MYBPC1: variants seen among roughly 807,000 people sequenced by gnomAD.
MYBPC1 encodes the protein myosin binding protein C1.
Under a neutral mutation model 147.1 loss-of-function variants are expected in MYBPC1, and 52 were observed. The ratio of observed to expected loss-of-function variants is 0.35; its 90% CI spans 0.28 to 0.45. MYBPC1 has a LOEUF of 0.45. Ranked by LOEUF, MYBPC1 falls within the 20% of genes least tolerant of loss-of-function variation. The pLI is 1.00. For synonymous variants in MYBPC1, 477 were observed against 475.9 expected (o/e 1.00, Z -0.03); for missense variants, 1,228 against 1,440.3 (o/e 0.85, Z 2.39).
At chr12:101,644,959 A>T (rs1167530391) in intron 12 of MYBPC1, among the ~76,000 whole-genome samples, 163 bp downstream of exon 12, 1 of 152,242 alleles carries the variant, frequency 6.6e-6, no homozygotes, top group African/African-American at 2.4e-5. Flanking sequence ...TTAGGGAAAC[A>T]TGATAGTTCT....
chr12:101,686,919 T>C (rs1951355924), downstream of MYBPC1, among the ~76,000 whole-genome samples: 1 of 152,326 alleles, frequency 6.6e-6, no homozygotes, highest in South Asian at 2.1e-4. Context: ...TTGAAATTGG[T>C]TGGTGATGTT....
rs371872200 is a variant in MYBPC1 at position 101,675,279 on chromosome 12, A to G, written c.2810-13A>G. On this transcript the variant is annotated splice_polypyrimidine_tract_variant and intron_variant, in intron 25 of 31. Coordinates refer to ENST00000361466, the MANE Select transcript of MYBPC1 (RefSeq NM_002465.4). ...AAGTGACCTTGCAGTGACACCATGA[A>G]TTCATCCTGTAGACCGTCCAGGTCC... The G allele has an allele frequency of 6.2e-7, 1 of 1,614,010 alleles. No individual in the cohort carries two copies. Among genetic ancestry groups the G allele is most frequent in the African/African-American group, 1.3e-5 (1 of 75,056 alleles).
rs746949857 is a variant in MYBPC1, at chr12:101,651,292, C to A, written c.1425C>A (p.Ile475=). Residue 475 remains isoleucine (I), a synonymous_variant, in exon 16 of 32, where the codon ATC becomes ATA. Transcript: ENST00000361466. The stretch of plus-strand genomic sequence containing the variant: ...AGACTGTAAATCTTGGAAAAGAAAT[C>A]TGCCTGAAGTGTGAAATCTCTGAAA... The part of the protein sequence containing the change: ...TDQTVNLGKE[I]CLKCEISENI... 1.8e-4 allele frequency: 294 copies of A among 1,613,920 alleles called. No homozygotes were observed. The highest frequency in any genetic ancestry group is 2.3e-4 in the Non-Finnish European group (270 of 1,179,982).
intron 18 of MYBPC1, among the ~76,000 whole-genome samples, chr12:101,654,120 T>C (rs1204026767): frequency 2.0e-5 from 3 of 152,054 alleles, no homozygotes; most frequent in African/African-American, 7.2e-5. Context: ...GGCACAAGAA[T>C]TGCTGGAACC....
chr12:101,669,259 A>G (rs2136623872), intron 23 of MYBPC1, among the ~76,000 whole-genome samples: 1 of 152,334 alleles, frequency 6.6e-6, no homozygotes, highest in South Asian at 2.1e-4. Flanking sequence ...ACTGAGTTGG[A>G]GGATGAATAG....
At chr12:101,677,546 T>C in intron 27 of MYBPC1, 152 bp downstream of exon 27, 2 of 974,712 alleles carry the variant, frequency 2.1e-6, no homozygotes, top group South Asian at 3.1e-5. Context: ...ATTTTAATTT[T>C]ACAGGTAAAA....
intron 1 of MYBPC1, among the ~76,000 whole-genome samples, chr12:101,611,969 C>T (rs552271234): frequency 3.4e-4 from 51 of 151,488 alleles, no homozygotes; most frequent in Admixed American, 7.9e-4. Flanking sequence ...CCCAGCTACT[C>T]GGGAGGCTGA....
Position 101,631,667 on chromosome 12 carries a change from GC to G in MYBPC1, c.387del (p.Ser129ArgfsTer9). On this transcript the variant is annotated frameshift_variant, in exon 7 of 32. Coordinates refer to ENST00000361466, the MANE Select transcript of MYBPC1 (RefSeq NM_002465.4). LOFTEE classifies it high-confidence loss of function. Reference sequence around the variant, plus strand: ...AAAGGAAAATGGATGGACCTGGCCAGCAAAGCCGGGAAGCACCTTCAGCTGA... The same window carrying G: ...AAAGGAAAATGGATGGACCTGGCCAGAAAGCCGGGAAGCACCTTCAGCTGA... Reference protein sequence around the residue: ...WFKGKWMDLASKAGKHLQLKE... With the variant: ...WFKGKWMDLAXKAGKHLQLKE... 6.2e-7 allele frequency: 1 copy of G among 1,614,228 alleles called. No individual in the cohort carries two copies. The highest frequency in any genetic ancestry group is 8.5e-7 in the Non-Finnish European group (1 of 1,180,044).
chr12:101,664,911 T>TA (rs1430779300), intron 22 of MYBPC1, among the ~76,000 whole-genome samples: 2 of 152,178 alleles, frequency 1.3e-5, no homozygotes, highest in Non-Finnish European at 2.9e-5. Flanking sequence ...TGCCCCCATT[T>TA]AAAAAAGTCA....
intron 1 of MYBPC1, among the ~76,000 whole-genome samples, chr12:101,609,644 G>T (rs948252744): frequency 1.3e-5 from 2 of 152,084 alleles, no homozygotes; most frequent in Admixed American, 1.3e-4. Context: ...TGATTAATAC[G>T]CATACTGCAG....
intron 9 of MYBPC1, among the ~76,000 whole-genome samples, 181 bp from the exon 10 acceptor site, chr12:101,636,491 T>C (rs147467708): frequency 4.2e-3 from 638 of 152,356 alleles, no homozygotes; most frequent in Middle Eastern, 0.01. Flanking sequence ...TATGTTTACT[T>C]TTCCACAAGT....
intron 22 of MYBPC1, chr12:101,666,646 T>C: frequency 8.5e-7 from 1 of 1,174,872 alleles, no homozygotes; most frequent in South Asian, 1.2e-5. Flanking sequence ...TTGCACACTT[T>C]GCATACTTTA....
At chr12:101,684,164 A>C (rs1951204729) in intron 30 of MYBPC1, among the ~76,000 whole-genome samples, 1 of 152,250 alleles carries the variant, frequency 6.6e-6, no homozygotes, top group East Asian at 1.9e-4. Context: ...CATATTAATA[A>C]ATGTTTTACA....
At chr12:101,688,775 AG>A (rs901126091), downstream of MYBPC1, among the ~76,000 whole-genome samples, 24 of 152,072 alleles carry the variant, frequency 1.6e-4, no homozygotes, top group African/African-American at 5.3e-4. Flanking sequence ...AGCCTGGGCA[AG>A]ATAACAAAAC....
chr12:101,623,240 G>A (rs1887840960), intron 3 of MYBPC1, among the ~76,000 whole-genome samples: 1 of 152,128 alleles, frequency 6.6e-6, no homozygotes, highest in African/African-American at 2.4e-5. Context: ...TCAGGAGGTT[G>A]AGGCACAAGA....
chr12:101,631,639 T>A lies in MYBPC1; in HGVS notation c.358T>A (p.Phe120Ile). ...TCTGAGAAAACCCACTATCAAATGG[T>A]TCAAAGGAAAATGGATGGACCTGGC... is the stretch of plus-strand genomic sequence containing the variant. ...DLLRKPTIKWFKGKWMDLASK... is the reference protein window; with the variant it reads ...DLLRKPTIKWIKGKWMDLASK... The change falls in exon 7 of 32, where the codon TTC becomes ATC. Residue 120 changes from phenylalanine to isoleucine, a missense_variant. This residue lies in a region of MYBPC1 where 1,077 missense variants were observed against 1,314.2 expected (regional missense o/e 0.82). Coordinates refer to ENST00000361466, the MANE Select transcript of MYBPC1 (RefSeq NM_002465.4). 6.2e-7 allele frequency: 1 copy of A among 1,614,152 alleles called. No homozygotes were observed. Among genetic ancestry groups the A allele is most frequent in the South Asian group, 1.1e-5 (1 of 91,078 alleles).
intron 3 of MYBPC1, among the ~76,000 whole-genome samples, chr12:101,618,044 T>A (rs1886534750): frequency 6.6e-6 from 1 of 152,164 alleles, no homozygotes. Flanking sequence ...GCATAATGAA[T>A]AAAAAAGTTT....
chr12:101,603,070 C>T (rs1181702147), intron 1 of MYBPC1, among the ~76,000 whole-genome samples: 5 of 152,224 alleles, frequency 3.3e-5, no homozygotes, highest in African/African-American at 1.2e-4. Context: ...CCTGGCCAGG[C>T]GTGGTGGCTC....
chr12:101,651,390 G>A lies in MYBPC1; in HGVS notation c.1523G>A (p.Gly508Glu). 6.2e-7 allele frequency: 1 copy of A among 1,614,020 alleles called. No homozygotes were observed. Among genetic ancestry groups the A allele is most frequent in the Non-Finnish European group, 8.5e-7 (1 of 1,179,908 alleles). Residue 508 changes from glycine (G) to glutamate (E), a missense_variant, in exon 16 of 32, where the codon GGA becomes GAA. Coordinates refer to ENST00000361466, the MANE Select transcript of MYBPC1 (RefSeq NM_002465.4). ...GACCGTCTAAAGGTGGTTCACAAGGGAAGGTAAGCGAGCCAGGTGACCCGC... is the reference window on the plus strand; with the variant it reads ...GACCGTCTAAAGGTGGTTCACAAGGAAAGGTAAGCGAGCCAGGTGACCCGC... ...ESDRLKVVHK[G>E]RIHKLVIANA...
Sources: allele counts gnomAD v4.1 joint callset (sites outside exome capture counted in the v4.1 genomes callset), GRCh38; gene constraint gnomAD v4.1.1; regional missense constraint gnomAD v4.1.1; transcripts MANE v1.5; gene names NCBI Gene and HGNC (gene_info 2026-07-23, HGNC 2026-07-21).